GPC6: variants seen among roughly 807,000 people sequenced by gnomAD.
GPC6 encodes glypican-6.
A neutral mutation model predicts 55.2 loss-of-function variants in GPC6; 14 were observed. The observed-to-expected ratio is 0.25, with a 90% CI of 0.17 to 0.40. GPC6 has a LOEUF of 0.40. Among genes scored for constraint, GPC6 ranks in the 10% least tolerant of loss-of-function variants. The probability of loss-of-function intolerance (pLI) is 1.00; values close to 1 mark genes in which losing one functional copy is unlikely to be tolerated. For synonymous variants in GPC6, 278 were observed against 259.6 expected, an observed-to-expected ratio of 1.07 and a Z score of -0.68; for missense variants, 641 against 708.5, an observed-to-expected ratio of 0.90 and a Z score of 1.08.
At position 94,403,322 on chromosome 13, in the gene GPC6, G is replaced by T; in HGVS notation, c.*105G>T. ...ATGGACCATGCCACAAAAACTTACC[G>T]TTTTCTATGAGAAGAGAGCAGTAAT... is the stretch of plus-strand genomic sequence containing the variant. On this transcript the variant is annotated 3_prime_UTR_variant, in exon 9 of 9. Transcript: ENST00000377047. 1 of 837,936 alleles carries T rather than the reference G, an allele frequency of 1.2e-6. No homozygotes were observed. The highest frequency in any genetic ancestry group is 1.4e-5 in the South Asian group (1 of 70,144). The allele number at this position is 837,936 out of a possible 1,614,324, so 51.9% of individuals were successfully genotyped here.
At chr13:93,859,665 G>A (rs1030054199) in intron 3 of GPC6, among the ~76,000 whole-genome samples, 1 of 150,084 alleles carries the variant, frequency 6.7e-6, no homozygotes, top group Non-Finnish European at 1.5e-5. Flanking sequence ...TTTTTGGGGA[G>A]AGCGGGGAGC....
intron 3 of GPC6, among the ~76,000 whole-genome samples, chr13:93,985,120 A>G (rs1477217779): frequency 2.0e-5 from 3 of 152,066 alleles, no homozygotes; most frequent in Non-Finnish European, 4.4e-5. Flanking sequence ...TGACCATCAC[A>G]TCTTTCCAGC....
chr13:94,152,965 A>T lies in GPC6; in HGVS notation c.877+125071A>T, dbSNP rs1191986013. 2.6e-5 allele frequency among the ~76,000 whole-genome samples: 4 copies of T among 152,326 alleles called. No homozygotes were observed. In the East Asian group the frequency reaches 7.7e-4, roughly 29 times the overall value. ...GTAAAAATAATATATCAACCCATTA[A>T]AATTTAAAAAGCTAAATTTTGAAAG... On this transcript the variant is annotated intron_variant, in intron 4 of 8. Transcript: ENST00000377047.
chr13:93,770,012 G>A (rs762009513), intron 2 of GPC6, among the ~76,000 whole-genome samples: 12 of 152,142 alleles, frequency 7.9e-5, no homozygotes, highest in Non-Finnish European at 1.3e-4. Flanking sequence ...GATTTCCTGA[G>A]CTGTGTGCTA....
At chr13:93,660,973 A>T (rs1880897198) in intron 2 of GPC6, among the ~76,000 whole-genome samples, 1 of 152,208 alleles carries the variant, frequency 6.6e-6, no homozygotes, top group African/African-American at 2.4e-5. Context: ...CAATGGAGGA[A>T]ATATAGAGCA....
chr13:93,321,751 T>G (rs1014854152), intron 1 of GPC6, among the ~76,000 whole-genome samples: 1 of 152,204 alleles, frequency 6.6e-6, no homozygotes, highest in African/African-American at 2.4e-5. Context: ...ACTAAGGCAC[T>G]GCCCCAAATG....
At chr13:94,355,022 CTCT>C (rs1309278345) in intron 6 of GPC6, among the ~76,000 whole-genome samples, 4 of 123,628 alleles carry the variant, frequency 3.2e-5, no homozygotes, top group Non-Finnish European at 6.9e-5. Flanking sequence ...AGGCCAGTGG[CTCT>C]TCTTTTTTTT....
chr13:93,974,311 G>A (rs1324328824), intron 3 of GPC6, among the ~76,000 whole-genome samples: 1 of 152,092 alleles, frequency 6.6e-6, no homozygotes, highest in Non-Finnish European at 1.5e-5. Context: ...TTTATTACCT[G>A]CTACAAAAAA....
intron 7 of GPC6, among the ~76,000 whole-genome samples, chr13:94,398,251 A>C (rs1880979038): frequency 6.6e-6 from 1 of 152,116 alleles, no homozygotes. Context: ...AAAAAAAAAA[A>C]AACTAGTCTG....
intron 1 of GPC6, among the ~76,000 whole-genome samples, chr13:93,248,214 T>C (rs1876666503): frequency 1.3e-5 from 2 of 152,192 alleles, no homozygotes; most frequent in South Asian, 4.1e-4. Context: ...TTCTATGTGA[T>C]AACCAAGGTT....
intron 1 of GPC6, among the ~76,000 whole-genome samples, chr13:93,304,721 G>A (rs1225864951): frequency 1.3e-5 from 2 of 152,196 alleles, no homozygotes; most frequent in African/African-American, 4.8e-5. Flanking sequence ...ACAGAGACAG[G>A]TGAGGATTTA....
chr13:94,297,345 A>G (rs148770855), intron 5 of GPC6, among the ~76,000 whole-genome samples: 8 of 152,184 alleles, frequency 5.3e-5, no homozygotes, highest in Non-Finnish European at 1.2e-4. Flanking sequence ...TTACATGCTT[A>G]CTTATATTCT....
intron 2 of GPC6, among the ~76,000 whole-genome samples, chr13:93,752,442 TA>T (rs1223212142): frequency 0.016 from 2,130 of 133,534 alleles, 26 homozygotes; most frequent in African/African-American, 0.035. Flanking sequence ...TGTTTTACAT[TA>T]AAAAAAAAAA....
chr13:93,894,957 TA>T (rs1875902146), intron 3 of GPC6, among the ~76,000 whole-genome samples: 1 of 151,816 alleles, frequency 6.6e-6, no homozygotes, highest in African/African-American at 2.4e-5. Flanking sequence ...AGTAACATTT[TA>T]AAGTTACTGA....
chr13:93,403,235 C>G (rs1566338622), intron 1 of GPC6, among the ~76,000 whole-genome samples: 1 of 152,096 alleles, frequency 6.6e-6, no homozygotes, highest in African/African-American at 2.4e-5. Context: ...TTCTCTCAAG[C>G]CAAGGTTTTA....
intron 1 of GPC6, among the ~76,000 whole-genome samples, chr13:93,308,662 G>A (rs1362976057): frequency 3.3e-5 from 5 of 152,156 alleles, no homozygotes; most frequent in African/African-American, 1.2e-4. Context: ...GGCTGGTCTC[G>A]AACTCCTGAC....
chr13:93,951,584 G>C (rs1032246879), intron 3 of GPC6, among the ~76,000 whole-genome samples: 1 of 151,972 alleles, frequency 6.6e-6, no homozygotes, highest in African/African-American at 2.4e-5. Flanking sequence ...GTCAGAGAAG[G>C]GTTCAGTTTT....
chr13:93,496,344 C>T (rs964769252), intron 1 of GPC6, among the ~76,000 whole-genome samples: 3 of 152,200 alleles, frequency 2.0e-5, no homozygotes, highest in Admixed American at 6.5e-5. Context: ...TGACCCCTTG[C>T]GCTTCCCAAG....
intron 2 of GPC6, among the ~76,000 whole-genome samples, chr13:93,781,265 A>G (rs1190742733): frequency 3.5e-5 from 5 of 141,550 alleles, no homozygotes; most frequent in African/African-American, 1.3e-4. Context: ...ACAGAGTGAG[A>G]CTCCATCTCC....
Sources: gnomAD v4.1 joint callset for allele counts (sites outside exome capture counted in the v4.1 genomes callset) on GRCh38, gnomAD v4.1.1 for gene constraint, MANE v1.5 for transcripts, NCBI Gene and HGNC (gene_info 2026-07-23, HGNC 2026-07-21) for gene names.